SLC38A8: variants seen among roughly 807,000 people sequenced by gnomAD.
SLC38A8 encodes solute carrier family 38 member 8, also known as amino acid transporter SLC38A8.
SLC38A8 carries 65 observed loss-of-function variants against 46.0 expected under a neutral mutation model. The ratio of observed to expected loss-of-function variants is 1.41; its 90% CI spans 1.16 to 1.74. SLC38A8 has a LOEUF of 1.74. SLC38A8 is among the 40% of genes most tolerant of loss of function. The pLI, the probability that SLC38A8 is intolerant of heterozygous loss-of-function variation, is 0.00. For synonymous variants in SLC38A8, 447 were observed against 243.7 expected, an observed-to-expected ratio of 1.83 and a Z score of -7.77; for missense variants, 998 against 567.9, an observed-to-expected ratio of 1.76 and a Z score of -7.70.
At chr16:84,032,916 G>GTGGGTGTGGGTACGTGGGTGTGCATGGT (rs2085260210) in intron 4 of SLC38A8, among the ~76,000 whole-genome samples, 1 of 97,094 alleles carries the variant, frequency 1.0e-5, no homozygotes, top group African/African-American at 4.9e-5. Flanking sequence ...GTGAGCATGG[G>GTGGGTGTGGGTACGTGGGTGTGCATGGT]TGGGTGTGGG....
At chr16:84,014,164 C>T (rs2084994508) in intron 9 of SLC38A8, among the ~76,000 whole-genome samples, 1 of 151,566 alleles carries the variant, frequency 6.6e-6, no homozygotes, top group African/African-American at 2.4e-5. Context: ...GTGGCCACAC[C>T]CCTCACCTCT....
intron 9 of SLC38A8, among the ~76,000 whole-genome samples, chr16:84,015,605 C>G (rs1159204817): frequency 1.3e-5 from 2 of 152,018 alleles, no homozygotes; most frequent in Admixed American, 6.5e-5. Flanking sequence ...GTCTTCGCAT[C>G]TATGGAATGG....
chr16:84,034,567 C>T (rs888305875), intron 3 of SLC38A8, among the ~76,000 whole-genome samples: 2 of 152,148 alleles, frequency 1.3e-5, no homozygotes, highest in Non-Finnish European at 2.9e-5. Context: ...TTCGCTCCTT[C>T]GGTGGGTTGT....
At chr16:84,034,509 T>C (rs2085280245) in intron 3 of SLC38A8, among the ~76,000 whole-genome samples, 1 of 152,028 alleles carries the variant, frequency 6.6e-6, no homozygotes, top group African/African-American at 2.4e-5. Context: ...GTGGGTGAGG[T>C]GGCCCCTGCA....
At chr16:84,022,668 A>C in intron 7 of SLC38A8, 107 bp downstream of exon 7, 3 of 795,932 alleles carry the variant, frequency 3.8e-6, no homozygotes, top group South Asian at 1.6e-5. Flanking sequence ...CAAAACATTG[A>C]GTATTGAGCC....
At chr16:84,029,127 G>C (rs2085205381) in intron 6 of SLC38A8, among the ~76,000 whole-genome samples, 1 of 152,146 alleles carries the variant, frequency 6.6e-6, no homozygotes, top group African/African-American at 2.4e-5. Context: ...AGTTAGGTGG[G>C]CAGCTTAGGC....
At chr16:84,039,831 G>A (rs1035683562) in intron 2 of SLC38A8, 20 of 151,802 alleles carry the variant, frequency 1.3e-4, no homozygotes, top group African/African-American at 4.4e-4. Flanking sequence ...CTGGAGGACA[G>A]GGTCACAAGA....
chr16:84,032,541 TC>T (rs2085254178), intron 4 of SLC38A8, among the ~76,000 whole-genome samples: 2 of 152,146 alleles, frequency 1.3e-5, no homozygotes. Flanking sequence ...TAATAGTGTT[TC>T]CTTCCCACCA....
chr16:84,027,539 C>G (rs1462293204), intron 6 of SLC38A8, among the ~76,000 whole-genome samples: 1 of 152,180 alleles, frequency 6.6e-6, no homozygotes, highest in Non-Finnish European at 1.5e-5. Context: ...TGAGTCAGGT[C>G]AGAGTTCCTG....
At chr16:84,016,237 C>T (rs371711782) in intron 9 of SLC38A8, among the ~76,000 whole-genome samples, 1 of 152,222 alleles carries the variant, frequency 6.6e-6, no homozygotes, top group Admixed American at 6.5e-5. Flanking sequence ...CTCCACCTTG[C>T]CCTGCCCTTC....
chr16:84,034,568 G>C (rs548611016), intron 3 of SLC38A8, among the ~76,000 whole-genome samples: 70 of 152,288 alleles, frequency 4.6e-4, no homozygotes, highest in Admixed American at 5.2e-4. Flanking sequence ...TCGCTCCTTC[G>C]GTGGGTTGTT....
At position 84,026,371 on chromosome 16, in the gene SLC38A8, C is replaced by G. The variant is rs138005886; in HGVS notation, c.690+3123G>C. On this transcript the variant is annotated intron_variant, in intron 6 of 10. Transcript: ENST00000299709. ...CCTCCCAAGTAGCTGGGATTACAGG[C>G]CCGCACCGCCATGCCCGGCTAATTT... Among the ~76,000 whole-genome samples the G allele has an allele frequency of 1.0e-3, 159 of 152,310 alleles. 2 individuals carry two copies. The highest frequency in any genetic ancestry group is 7.6e-3 in the Admixed American group (116 of 15,304).
intron 10 of SLC38A8, among the ~76,000 whole-genome samples, chr16:84,012,752 T>G (rs1470413509): frequency 6.6e-6 from 1 of 152,126 alleles, no homozygotes; most frequent in Non-Finnish European, 1.5e-5. Flanking sequence ...GGAATCTACA[T>G]GAAATCCCAA....
intron 7 of SLC38A8, among the ~76,000 whole-genome samples, chr16:84,019,186 T>TGCCTCA (rs1187434813): frequency 2.0e-5 from 3 of 152,176 alleles, no homozygotes; most frequent in Non-Finnish European, 4.4e-5. Context: ...GCGATTATCT[T>TGCCTCA]GCCTCAGCCT....
At chr16:84,012,064 C>G (rs1277223710) in intron 10 of SLC38A8, among the ~76,000 whole-genome samples, 3 of 152,204 alleles carry the variant, frequency 2.0e-5, no homozygotes, top group Non-Finnish European at 4.4e-5. Context: ...ATTTCACACT[C>G]CTGGCTCCAG....
chr16:84,014,759 C>G (rs963356303), intron 9 of SLC38A8, among the ~76,000 whole-genome samples: 9 of 152,238 alleles, frequency 5.9e-5, no homozygotes, highest in African/African-American at 1.9e-4. Flanking sequence ...GGGACTACAT[C>G]AAAGACAACC....
chr16:84,023,295 G>T (rs1308751408), intron 6 of SLC38A8, among the ~76,000 whole-genome samples: 1 of 152,116 alleles, frequency 6.6e-6, no homozygotes, highest in Non-Finnish European at 1.5e-5. Flanking sequence ...CAGCCAATGG[G>T]AAAAGGGTAC....
chr16:84,034,793 C>A (rs1286415291), intron 3 of SLC38A8, among the ~76,000 whole-genome samples: 3 of 152,038 alleles, frequency 2.0e-5, no homozygotes, highest in African/African-American at 7.3e-5. Context: ...GAGTTTTAGA[C>A]CTCCAGGTGG....
chr16:84,026,325 G>A lies in SLC38A8; in HGVS notation c.690+3169C>T, dbSNP rs1482113363. ...GCTCACTGCAACCTCCACATCCTGG[G>A]TTCAAGGGATTCTGATTCAGCCTCC... On this transcript the variant is annotated intron_variant, in intron 6 of 10. Transcript: ENST00000299709. Among the ~76,000 whole-genome samples the A allele has an allele frequency of 2.6e-5, 4 of 152,184 alleles. No individual in the cohort carries two copies. In the South Asian group the frequency reaches 6.2e-4, roughly 24 times the overall value.
Sources: gnomAD v4.1 joint callset for allele counts (sites outside exome capture counted in the v4.1 genomes callset) on GRCh38, gnomAD v4.1.1 for gene constraint, MANE v1.5 for transcripts, NCBI Gene and HGNC (gene_info 2026-07-23, HGNC 2026-07-21) for gene names.